Variants in SLC24A4 observed in about 807,000 individuals in gnomAD.
SLC24A4 encodes solute carrier family 24 member 4.
In SLC24A4, 53 loss-of-function variants were observed where a neutral mutation model predicts 79.0. That is an observed-to-expected ratio of 0.67 (90% confidence interval 0.54 to 0.84). The LOEUF (loss-of-function observed/expected upper bound fraction) is 0.84. SLC24A4 is among the 40% of genes least tolerant of loss of function. SLC24A4 has a pLI of 0.00. For synonymous variants in SLC24A4, 323 were observed against 323.8 expected, an observed-to-expected ratio of 1.00 and a Z score of 0.03; for missense variants, 731 against 822.0, an observed-to-expected ratio of 0.89 and a Z score of 1.35.
chr14:92,328,016 C>T (rs764232494), intron 2 of SLC24A4, among the ~76,000 whole-genome samples: 2 of 152,126 alleles, frequency 1.3e-5, no homozygotes, highest in Admixed American at 6.6e-5. Context: ...CACGTTTTTG[C>T]CAAGACAAGA....
chr14:92,391,655 C>T (rs771089436), intron 2 of SLC24A4, among the ~76,000 whole-genome samples: 2 of 152,226 alleles, frequency 1.3e-5, no homozygotes, highest in Admixed American at 1.3e-4. Flanking sequence ...CTGGGCTGCT[C>T]TTAGTGACTT....
chr14:92,385,214 A>C (rs10135622), intron 2 of SLC24A4, among the ~76,000 whole-genome samples: 47,259 of 152,018 alleles, frequency 0.31, 9,248 homozygotes, highest in African/African-American at 0.56. Flanking sequence ...TCTTTTTGCA[A>C]AAATCATGCC....
chr14:92,448,033 G>A (rs531005091), intron 9 of SLC24A4, among the ~76,000 whole-genome samples: 1 of 152,260 alleles, frequency 6.6e-6, no homozygotes, highest in African/African-American at 2.4e-5. Flanking sequence ...GATGAACCTG[G>A]AAAACATTAT....
intron 2 of SLC24A4, among the ~76,000 whole-genome samples, chr14:92,378,164 A>G (rs12431633): frequency 0.11 from 17,311 of 152,160 alleles, 1,088 homozygotes; most frequent in Non-Finnish European, 0.14. Flanking sequence ...ATTCCATGGC[A>G]CAAATACACA....
chr14:92,472,153 G>C (rs557929906), intron 12 of SLC24A4, among the ~76,000 whole-genome samples: 1 of 152,266 alleles, frequency 6.6e-6, no homozygotes, highest in Non-Finnish European at 1.5e-5. Context: ...TTATACTCCA[G>C]GAGGCAACAT....
At chr14:92,459,392 G>A (rs929914620) in intron 12 of SLC24A4, among the ~76,000 whole-genome samples, 1 of 152,144 alleles carries the variant, frequency 6.6e-6, no homozygotes, top group Non-Finnish European at 1.5e-5. Context: ...GATGGCTCCT[G>A]GGTCCAGGTT....
At chr14:92,453,766 A>G in intron 10 of SLC24A4, 134 bp from the exon 11 acceptor site, 1 of 947,772 alleles carries the variant, frequency 1.1e-6, no homozygotes. Context: ...CCAGGCATCC[A>G]GACTTCCCGG....
Position 92,498,111 on chromosome 14 carries a change from G to A in SLC24A4, c.*4483G>A, listed in dbSNP as rs1895994362. 1 of 152,244 alleles carries A rather than the reference G, an allele frequency of 6.6e-6. No individual in the cohort carries two copies. The highest frequency in any genetic ancestry group is 1.5e-5 in the Non-Finnish European group (1 of 68,116). The allele number at this position is 152,244 out of a possible 1,614,324, so 9.4% of individuals were successfully genotyped here. On this transcript the variant is annotated 3_prime_UTR_variant, in exon 17 of 17. Coordinates refer to ENST00000532405, the MANE Select transcript of SLC24A4 (RefSeq NM_153646.4). ...GAAAATGCTCTGTGGGCAGCTCTTGGGTGGCAGTAAGTCCATCAACCCCCA... is the reference window on the plus strand; with the variant it reads ...GAAAATGCTCTGTGGGCAGCTCTTGAGTGGCAGTAAGTCCATCAACCCCCA...
In SLC24A4 at chr14:92,495,456, C is replaced by T. The variant is rs1345286507; in HGVS notation, c.*1828C>T. On this transcript the variant is annotated 3_prime_UTR_variant, in exon 17 of 17. Transcript: ENST00000532405. ...GACGAGGGTGATTTTCCTAAGAAATCAGCAAAGAGGGAAGGCAGGGCCCCT... is the reference window on the plus strand; with the variant it reads ...GACGAGGGTGATTTTCCTAAGAAATTAGCAAAGAGGGAAGGCAGGGCCCCT... 1.3e-5 allele frequency: 2 copies of T among 152,108 alleles called. No individual in the cohort carries two copies. The highest frequency in any genetic ancestry group is 4.8e-5 in the African/African-American group (2 of 41,394). The allele number at this position is 152,108 out of a possible 1,614,324, so 9.4% of individuals were successfully genotyped here. A position where few individuals can be genotyped will look rare whatever the true frequency, so the allele number is the denominator to read the frequency against.
chr14:92,461,058 G>A (rs61977309), intron 12 of SLC24A4, among the ~76,000 whole-genome samples: 9,959 of 152,232 alleles, frequency 0.065, 479 homozygotes, highest in Non-Finnish European at 0.097. Flanking sequence ...TGCTGGCACC[G>A]CCCTGAAACG....
chr14:92,387,181 A>ATT (rs10660359), intron 2 of SLC24A4, among the ~76,000 whole-genome samples: 20,218 of 140,182 alleles, frequency 0.14, 1,603 homozygotes, highest in Middle Eastern at 0.22. Flanking sequence ...GGAGAGAAGT[A>ATT]TTTTTTTTTT....
intron 8 of SLC24A4, among the ~76,000 whole-genome samples, chr14:92,446,604 G>A (rs146011247): frequency 1.4e-3 from 214 of 152,288 alleles, no homozygotes; most frequent in African/African-American, 4.5e-3. Flanking sequence ...TTTCATTTTC[G>A]TCATCTGTAG....
At chr14:92,355,298 G>A (rs1342106281) in intron 2 of SLC24A4, among the ~76,000 whole-genome samples, 1 of 152,132 alleles carries the variant, frequency 6.6e-6, no homozygotes, top group African/African-American at 2.4e-5. Flanking sequence ...GAGCGGGGTG[G>A]GGGCAGTAGG....
At chr14:92,373,184 ACACACACACG>A (rs1385835808) in intron 2 of SLC24A4, among the ~76,000 whole-genome samples, 2 of 82,344 alleles carry the variant, frequency 2.4e-5, no homozygotes, top group East Asian at 9.6e-4. Flanking sequence ...ACACACACAC[ACACACACACG>A]CACACACACA....
chr14:92,386,394 T>C (rs922597060), intron 2 of SLC24A4, among the ~76,000 whole-genome samples: 1 of 152,122 alleles, frequency 6.6e-6, no homozygotes, highest in Non-Finnish European at 1.5e-5. Context: ...GATCAACTTA[T>C]TAGAATGCAC....
intron 2 of SLC24A4, among the ~76,000 whole-genome samples, chr14:92,352,406 G>C (rs1277366506): frequency 6.6e-6 from 1 of 152,228 alleles, no homozygotes; most frequent in Non-Finnish European, 1.5e-5. Context: ...AATTTAGAAT[G>C]TTTGGACTAA....
At chr14:92,431,369 G>A (rs943262031) in intron 2 of SLC24A4, among the ~76,000 whole-genome samples, 1 of 152,210 alleles carries the variant, frequency 6.6e-6, no homozygotes, top group Non-Finnish European at 1.5e-5. Context: ...ATTAGGAGCA[G>A]AGGTACTTCC....
chr14:92,436,180 T>A (rs1012357505), intron 3 of SLC24A4, among the ~76,000 whole-genome samples: 1 of 152,294 alleles, frequency 6.6e-6, no homozygotes, highest in South Asian at 2.1e-4. Context: ...TTTTACACGG[T>A]GGCAGGGAAG....
intron 2 of SLC24A4, among the ~76,000 whole-genome samples, chr14:92,333,585 A>G (rs1203403837): frequency 6.6e-6 from 1 of 152,116 alleles, no homozygotes; most frequent in Non-Finnish European, 1.5e-5. Flanking sequence ...CTTCTTCCAA[A>G]TACATCTTCT....
Sources: gnomAD v4.1 joint callset for allele counts (sites outside exome capture counted in the v4.1 genomes callset) on GRCh38, gnomAD v4.1.1 for gene constraint, MANE v1.5 for transcripts, NCBI Gene and HGNC (gene_info 2026-07-23, HGNC 2026-07-21) for gene names.